Variants in FAM174A observed in about 807,000 individuals in gnomAD.
The protein encoded by FAM174A is membrane protein FAM174A.
Under a neutral mutation model 14.3 loss-of-function variants are expected in FAM174A, and 14 were observed. The ratio of observed to expected loss-of-function variants is 0.98; its 90% CI spans 0.65 to 1.53. The LOEUF (loss-of-function observed/expected upper bound fraction) is 1.53. Among genes scored for constraint, FAM174A ranks in the 40% most tolerant of loss-of-function variants. FAM174A has a pLI of 0.00. For missense variants in FAM174A, 241 were observed against 249.6 expected, an observed-to-expected ratio of 0.97 and a Z score of 0.23; for synonymous variants, 108 against 111.4, an observed-to-expected ratio of 0.97 and a Z score of 0.19.
chr5:100,540,111 TG>T (rs1746019368), intron 1 of FAM174A, among the ~76,000 whole-genome samples: 1 of 152,222 alleles, frequency 6.6e-6, no homozygotes, highest in Admixed American at 6.5e-5. Flanking sequence ...TAATGATTTA[TG>T]CATGTGACTT....
At chr5:100,537,975 A>AATAT (rs1212027124) in intron 1 of FAM174A, among the ~76,000 whole-genome samples, 4 of 152,196 alleles carry the variant, frequency 2.6e-5, no homozygotes, top group African/African-American at 9.6e-5. Flanking sequence ...GGACAGATAC[A>AATAT]GTCCTTCCAA....
chr5:100,535,459 C>T lies in FAM174A; in HGVS notation c.-72C>T. The stretch of plus-strand genomic sequence containing the variant: ...CACCTCTGCTTCATTCTCCACCGCG[C>T]CTATGGTCCCTCTTGGAGCCAGCGT... On this transcript the variant is annotated 5_prime_UTR_variant, in exon 1 of 3. Transcript: ENST00000312637. 1 of 1,540,348 alleles carries T rather than the reference C, an allele frequency of 6.5e-7. No homozygotes were observed. Among genetic ancestry groups the T allele is most frequent in the Non-Finnish European group, 8.9e-7 (1 of 1,125,502 alleles).
chr5:100,549,253 A>T (rs1746217252), intron 1 of FAM174A, among the ~76,000 whole-genome samples: 1 of 152,158 alleles, frequency 6.6e-6, no homozygotes. Flanking sequence ...TGATTGGGAA[A>T]TAAATCCATG....
Position 100,586,734 on chromosome 5 carries a change from C to A in FAM174A, c.*550C>A, listed in dbSNP as rs1168913950. The A allele has an allele frequency of 1.3e-5, 2 of 152,126 alleles. No individual in the cohort carries two copies. Among genetic ancestry groups the A allele is most frequent in the South Asian group, 2.1e-4 (1 of 4,816 alleles). The allele number at this position is 152,126 out of a possible 1,614,324, so 9.4% of individuals were successfully genotyped here. ...AAAACAATAAATATGATTTTAAATT[C>A]TCTTAAAGTGGTCCAAATTATGTGT... On this transcript the variant is annotated 3_prime_UTR_variant, in exon 3 of 3. Coordinates refer to ENST00000312637, the MANE Select transcript of FAM174A (RefSeq NM_198507.3).
chr5:100,577,926 A>G (rs1746934423), intron 2 of FAM174A, among the ~76,000 whole-genome samples: 1 of 152,146 alleles, frequency 6.6e-6, no homozygotes, highest in African/African-American at 2.4e-5. Context: ...GAATGAAGGC[A>G]TGGATTCTAA....
intron 1 of FAM174A, among the ~76,000 whole-genome samples, chr5:100,538,511 A>G (rs979498174): frequency 6.6e-6 from 1 of 151,486 alleles, no homozygotes; most frequent in Non-Finnish European, 1.5e-5. Context: ...TACAAAACAT[A>G]TATATATATA....
intron 2 of FAM174A, among the ~76,000 whole-genome samples, chr5:100,578,977 A>T (rs1053489365): frequency 6.6e-6 from 1 of 152,216 alleles, no homozygotes; most frequent in East Asian, 1.9e-4. Context: ...GCTTAGCAGC[A>T]TGCGTAGCCC....
chr5:100,538,300 G>A (rs1265825727), intron 1 of FAM174A, among the ~76,000 whole-genome samples: 1 of 152,024 alleles, frequency 6.6e-6, no homozygotes, highest in East Asian at 1.9e-4. Flanking sequence ...AGAAGAATGG[G>A]CCAAAATCAT....
chr5:100,566,810 C>A (rs1746662311), intron 2 of FAM174A, among the ~76,000 whole-genome samples: 1 of 151,774 alleles, frequency 6.6e-6, no homozygotes, highest in African/African-American at 2.4e-5. Flanking sequence ...CTATGCTAAT[C>A]ATCAATTCTA....
In FAM174A at chr5:100,554,475, CCTAG is replaced by C. The variant is rs1251422534; in HGVS notation, c.435-7575_435-7572del. Reference sequence around the variant, plus strand: ...GGGATTACAGGCGCACACCACCATGCCTAGCTAATTTTTGTATTTTTACTAGAGA... The same window carrying C: ...GGGATTACAGGCGCACACCACCATGCCTAATTTTTGTATTTTTACTAGAGA... On this transcript the variant is annotated intron_variant, in intron 1 of 2. Transcript: ENST00000312637. Among the ~76,000 whole-genome samples, 11 of 151,934 alleles carry C rather than the reference CCTAG, an allele frequency of 7.2e-5. No homozygotes were observed. In the East Asian group the frequency reaches 2.1e-3, roughly 29 times the overall value.
At chr5:100,571,693 C>T (rs13356609) in intron 2 of FAM174A, among the ~76,000 whole-genome samples, 42,328 of 125,432 alleles carry the variant, frequency 0.34, 6,759 homozygotes, top group Middle Eastern at 0.41. Flanking sequence ...TATATATATA[C>T]ACACACACAC....
At position 100,561,681 on chromosome 5, in the gene FAM174A, C is replaced by T. The variant is rs181472766; in HGVS notation, c.435-373C>T. Among the ~76,000 whole-genome samples the T allele has an allele frequency of 3.3e-3, 503 of 151,754 alleles. 5 individuals carry two copies. Among genetic ancestry groups the T allele is most frequent in the African/African-American group, 0.011 (467 of 41,402 alleles). On this transcript the variant is annotated intron_variant, in intron 1 of 2. Transcript: ENST00000312637. ...GGGCATCTAAACAGTGGTAAGAAAG[C>T]GGGGAGGACATGGGGAAAAGGCTGG...
intron 2 of FAM174A, among the ~76,000 whole-genome samples, chr5:100,579,424 G>C (rs994120031): frequency 6.6e-6 from 1 of 151,700 alleles, no homozygotes; most frequent in Non-Finnish European, 1.5e-5. Flanking sequence ...ATTATGTAGC[G>C]ATTTTTTTTT....
rs76506019 is a variant in FAM174A at position 100,536,374 on chromosome 5, A to G, written c.434+410A>G. On this transcript the variant is annotated intron_variant, in intron 1 of 2. Transcript: ENST00000312637. ...AGAATGCAAACTCTTTAAAGACAGG[A>G]TATCTATTTAGTAGGTTTGTGAGTC... is the stretch of plus-strand genomic sequence containing the variant. Among the ~76,000 whole-genome samples, 32 of 152,322 alleles carry G rather than the reference A, an allele frequency of 2.1e-4. No individual in the cohort carries two copies. The East Asian group carries it at 5.8e-3, about 28-fold the overall frequency.
intron 1 of FAM174A, among the ~76,000 whole-genome samples, chr5:100,553,940 A>G (rs989782039): frequency 1.3e-5 from 2 of 152,162 alleles, no homozygotes; most frequent in Admixed American, 1.3e-4. Context: ...CATTCATATC[A>G]TTTTTGTTTG....
intron 1 of FAM174A, among the ~76,000 whole-genome samples, chr5:100,543,232 C>T (rs781611223): frequency 1.1e-4 from 16 of 152,186 alleles, no homozygotes; most frequent in Admixed American, 5.9e-4. Flanking sequence ...ATCCTCCCAC[C>T]TCAGCCTCCC....
intron 2 of FAM174A, among the ~76,000 whole-genome samples, chr5:100,562,873 T>C (rs1328540313): frequency 6.6e-6 from 1 of 151,466 alleles, no homozygotes; most frequent in Non-Finnish European, 1.5e-5. Flanking sequence ...CCAATGTAAA[T>C]AGAATGGGGA....
chr5:100,538,797 T>C (rs551706763), intron 1 of FAM174A, among the ~76,000 whole-genome samples: 58 of 151,908 alleles, frequency 3.8e-4, no homozygotes, highest in Non-Finnish European at 5.7e-4. Flanking sequence ...ACTGCGAAGA[T>C]CTCAATTAAT....
chr5:100,566,158 A>ATATATATATATG (rs1746645709), intron 2 of FAM174A, among the ~76,000 whole-genome samples: 1 of 142,246 alleles, frequency 7.0e-6, no homozygotes, highest in Non-Finnish European at 1.5e-5. Context: ...ATATATATAT[A>ATATATATATATG]TATATATATA....
Sources: allele counts gnomAD v4.1 joint callset (sites outside exome capture counted in the v4.1 genomes callset), GRCh38; gene constraint gnomAD v4.1.1; transcripts MANE v1.5; gene names NCBI Gene and HGNC (gene_info 2026-07-23, HGNC 2026-07-21).